HECTD4: variants seen among roughly 807,000 people sequenced by gnomAD.
The protein encoded by HECTD4 is HECT domain E3 ubiquitin protein ligase 4.
Under a neutral mutation model 471.5 loss-of-function variants are expected in HECTD4, and 114 were observed. That is an observed-to-expected ratio of 0.24 (90% CI 0.21 to 0.28). HECTD4 has a LOEUF of 0.28. Among genes scored for constraint, HECTD4 ranks in the 10% least tolerant of loss-of-function variants. The pLI is 1.00. For synonymous variants in HECTD4, 2,012 were observed against 2,256.0 expected (o/e 0.89, Z 3.07); for missense variants, 3,866 against 5,651.5 (o/e 0.68, Z 10.13).
rs765569085 is a variant in HECTD4 at position 112,231,710 on chromosome 12, G to C, written c.6003C>G (p.Gly2001=). 1.1e-5 allele frequency: 18 copies of C among 1,610,346 alleles called. No homozygotes were observed. In the South Asian group the frequency reaches 2.0e-4, roughly 18 times the overall value. ...VKMDRDMTKG[G]CCEVITEEAA... is the part of the protein sequence containing the mutation. Reference sequence around the variant, plus strand: ...CCTCTTCTGTAATCACTTCGCAACAGCCACCCTGGGGTGAGGTTGAAGACG... The same window carrying C: ...CCTCTTCTGTAATCACTTCGCAACACCCACCCTGGGGTGAGGTTGAAGACG... The change falls in exon 39 of 76, where the codon GGC becomes GGG. Residue 2001 remains glycine (G), a synonymous_variant. Transcript: ENST00000682272.
intron 5 of HECTD4, among the ~76,000 whole-genome samples, chr12:112,309,283 T>C (rs1449924953): frequency 6.6e-6 from 1 of 152,194 alleles, no homozygotes; most frequent in Non-Finnish European, 1.5e-5. Context: ...ACTGATATTG[T>C]TACAAAAATA....
chr12:112,361,556 A>G (rs1267322191), intron 1 of HECTD4, among the ~76,000 whole-genome samples: 1 of 152,148 alleles, frequency 6.6e-6, no homozygotes, highest in Non-Finnish European at 1.5e-5. Context: ...TACAGGTGTG[A>G]GTCAACATAC....
At chr12:112,338,084 G>T (rs1404940244) in intron 1 of HECTD4, among the ~76,000 whole-genome samples, 1 of 152,168 alleles carries the variant, frequency 6.6e-6, no homozygotes, top group Non-Finnish European at 1.5e-5. Flanking sequence ...GGCTGAAATC[G>T]AAGTGTCGGC....
At chr12:112,359,875 G>A (rs1032524652) in intron 1 of HECTD4, among the ~76,000 whole-genome samples, 1 of 152,098 alleles carries the variant, frequency 6.6e-6, no homozygotes, top group African/African-American at 2.4e-5. Flanking sequence ...ACCACGCCCA[G>A]CCTTACTCTA....
chr12:112,362,853 C>T (rs964102311), intron 1 of HECTD4, among the ~76,000 whole-genome samples: 1 of 152,046 alleles, frequency 6.6e-6, no homozygotes. Context: ...AGGCACACAT[C>T]ACCATGCCCG....
chr12:112,171,277 A>G lies in HECTD4; in HGVS notation c.11786-14T>C. The G allele has an allele frequency of 6.3e-7, 1 of 1,592,238 alleles. No homozygotes were observed. Among genetic ancestry groups the G allele is most frequent in the South Asian group, 1.1e-5 (1 of 88,000 alleles). ...CGATGGGCACGTCTGAGGGCGCAGGAGCAGTCAGGCTGAGATCTCGGCCAG... is the reference window on the plus strand; with the variant it reads ...CGATGGGCACGTCTGAGGGCGCAGGGGCAGTCAGGCTGAGATCTCGGCCAG... On this transcript the variant is annotated splice_polypyrimidine_tract_variant and intron_variant, in intron 67 of 75. Transcript: ENST00000682272.
intron 54 of HECTD4, 151 bp downstream of exon 54, chr12:112,203,485 T>C (rs191220365): frequency 3.3e-6 from 2 of 601,758 alleles, no homozygotes; most frequent in Admixed American, 3.4e-5. Context: ...GGCAAGTCAA[T>C]TGGCATTAGA....
At chr12:112,372,506 C>G (rs1490335243) in intron 1 of HECTD4, among the ~76,000 whole-genome samples, 1 of 19,270 alleles carries the variant, frequency 5.2e-5, no homozygotes, top group Non-Finnish European at 8.3e-5. Flanking sequence ...CGTGATCCGC[C>G]CACCTGACCT....
chr12:112,205,672 A>G (rs530752667), intron 52 of HECTD4, among the ~76,000 whole-genome samples: 1 of 151,902 alleles, frequency 6.6e-6, no homozygotes, highest in Admixed American at 6.6e-5. Flanking sequence ...GCTCACTGCA[A>G]CTTCCATCTC....
At chr12:112,174,290 G>A (rs1322967201) in intron 66 of HECTD4, among the ~76,000 whole-genome samples, 1 of 139,878 alleles carries the variant, frequency 7.1e-6, no homozygotes, top group African/African-American at 2.7e-5. Context: ...TTAAGACAGA[G>A]TGTGGCTCTT....
intron 29 of HECTD4, 73 bp from the exon 30 acceptor site, chr12:112,244,082 C>A (rs2033702888): frequency 4.1e-6 from 6 of 1,471,972 alleles, no homozygotes; most frequent in Non-Finnish European, 5.6e-6. Context: ...ACAGAACTAC[C>A]CAACAGTCTA....
At chr12:112,356,903 G>T (rs1366004766) in intron 1 of HECTD4, among the ~76,000 whole-genome samples, 1 of 152,158 alleles carries the variant, frequency 6.6e-6, no homozygotes, top group Non-Finnish European at 1.5e-5. Context: ...TAGGGGTTTA[G>T]GCACTATAAG....
In HECTD4 at chr12:112,200,850, T is replaced by TGTGTGCAG. The variant is rs1192608204; in HGVS notation, c.8407-53_8407-52insCTGCACAC. ...TTGTGCTGTTTGCTTTTGTTTTCCA[T>TGTGTGCAG]GTGTGCGTGCGTGCGTGTGTGTGTG... On this transcript the variant is annotated intron_variant, in intron 54 of 75. Coordinates refer to ENST00000682272, the MANE Select transcript of HECTD4 (RefSeq NM_001388303.1). 109 of 1,567,412 alleles carry TGTGTGCAG rather than the reference T, an allele frequency of 7.0e-5. No individual in the cohort carries two copies. The East Asian group carries it at 9.9e-4, about 14-fold the overall frequency.
At chr12:112,250,422 A>G in intron 24 of HECTD4, 45 bp from the exon 25 acceptor site, 1 of 1,351,824 alleles carries the variant, frequency 7.4e-7, no homozygotes, top group Non-Finnish European at 1.1e-6. Context: ...TCTCAACAAG[A>G]GTATTGGAAA....
chr12:112,169,442 G>A (rs2031124550), intron 70 of HECTD4, 61 bp downstream of exon 70: 5 of 1,508,834 alleles, frequency 3.3e-6, no homozygotes, highest in Non-Finnish European at 4.4e-6. Flanking sequence ...GGGCAGCTGG[G>A]GCTAAGGCTG....
chr12:112,231,455 C>G (rs2033377493), intron 39 of HECTD4, 58 bp downstream of exon 39: 2 of 1,520,362 alleles, frequency 1.3e-6, no homozygotes, highest in East Asian at 4.5e-5. Context: ...TAAAAACAAA[C>G]CCATTATAAA....
At chr12:112,288,570 G>C (rs1418166787) in intron 7 of HECTD4, among the ~76,000 whole-genome samples, 1 of 152,076 alleles carries the variant, frequency 6.6e-6, no homozygotes, top group African/African-American at 2.4e-5. Context: ...TGCAGTGAGT[G>C]AGCAGAGATA....
chr12:112,228,756 T>A lies in HECTD4; in HGVS notation c.6575A>T (p.Gln2192Leu). Reference sequence around the variant, plus strand: ...GAATCTGACTGTAGCTATACCTTCCTGTTCATTGATAGAAGCCACTACTCC... The same window carrying A: ...GAATCTGACTGTAGCTATACCTTCCAGTTCATTGATAGAAGCCACTACTCC... ...SIGVVASINEQEGIATVRFPP... is the reference protein window; with the variant it reads ...SIGVVASINELEGIATVRFPP... The change falls in exon 42 of 76, where the codon CAG (glutamine) becomes CTG (leucine). Residue 2192 changes from glutamine (Q) to leucine (L), a missense_variant. Physicochemically the swap from Gln to Leu is moderately radical, Grantham distance 113. This residue lies in a region of HECTD4 where 617 missense variants were observed against 915.1 expected (regional missense o/e 0.67). Transcript: ENST00000682272. This position sits in a 1 kb window ranked among gnomAD's most constrained non-coding sequence, Gnocchi z 4.9. The A allele has an allele frequency of 6.2e-7, 1 of 1,613,748 alleles. No individual in the cohort carries two copies. The highest frequency in any genetic ancestry group is 8.5e-7 in the Non-Finnish European group (1 of 1,179,834).
chr12:112,183,911 G>A (rs1235538737), intron 61 of HECTD4, among the ~76,000 whole-genome samples: 1 of 152,222 alleles, frequency 6.6e-6, no homozygotes, highest in African/African-American at 2.4e-5. Flanking sequence ...TTCAAGATGC[G>A]ATGGGGCTGA....
Sources: gnomAD v4.1 joint callset for allele counts (sites outside exome capture counted in the v4.1 genomes callset) on GRCh38, gnomAD v4.1.1 for gene constraint, gnomAD v4.1.1 regional missense constraint, Gnocchi (gnomAD v3.1) non-coding constraint, MANE v1.5 for transcripts, NCBI Gene and HGNC (gene_info 2026-07-23, HGNC 2026-07-21) for gene names.